Variants in TNRC6A observed in about 807,000 individuals in gnomAD.
The protein encoded by TNRC6A is trinucleotide repeat containing adaptor 6A.
A neutral mutation model predicts 221.2 loss-of-function variants in TNRC6A; 44 were observed. The ratio of observed to expected loss-of-function variants is 0.20; its 90% CI spans 0.16 to 0.26. The LOEUF (loss-of-function observed/expected upper bound fraction) is 0.26, where lower values mean the gene tolerates loss of function less well. TNRC6A is among the 10% of genes least tolerant of loss of function. TNRC6A has a pLI of 1.00. For missense variants in TNRC6A, 2,199 were observed against 2,404.4 expected (o/e 0.91, Z 1.79); for synonymous variants, 847 against 838.5 (o/e 1.01, Z -0.18).
At chr16:24,620,360 C>T (rs1900604382) in intron 1 of TNRC6A, among the ~76,000 whole-genome samples, 1 of 152,110 alleles carries the variant, frequency 6.6e-6, no homozygotes, top group Non-Finnish European at 1.5e-5. Context: ...GGGAAGGTCT[C>T]AGTAGAGGGA....
chr16:24,741,911 A>G (rs890333593), intron 2 of TNRC6A, among the ~76,000 whole-genome samples: 1 of 152,104 alleles, frequency 6.6e-6, no homozygotes, highest in East Asian at 1.9e-4. Flanking sequence ...ATCGTGGCTC[A>G]CTGTAGCATT....
At chr16:24,651,549 A>C (rs1262193262) in intron 2 of TNRC6A, among the ~76,000 whole-genome samples, 1 of 148,038 alleles carries the variant, frequency 6.8e-6, no homozygotes, top group African/African-American at 2.5e-5. Context: ...AAAAAAAAAA[A>C]AAAAAAAAAA....
rs773562230 is a variant in TNRC6A at position 24,804,250 on chromosome 16, G to A, written c.3768G>A (p.Gly1256=). The change falls in exon 12 of 25, where the codon GGG becomes GGA. Residue 1256 remains glycine, a synonymous_variant. Coordinates refer to ENST00000395799, the MANE Select transcript of TNRC6A (RefSeq NM_014494.4). ...LNIGDYNRTV[G]KGPGSRPQIS... is the part of the protein sequence containing the mutation. ...TTGGTGATTACAATCGAACGGTCGG[G>A]AAAGGCCCTGGTTCTCGGCCTCAGA... The A allele has an allele frequency of 1.2e-5, 19 of 1,613,666 alleles. No individual in the cohort carries two copies. In the East Asian group the frequency reaches 1.6e-4, roughly 13 times the overall value.
intron 11 of TNRC6A, among the ~76,000 whole-genome samples, chr16:24,801,018 A>G (rs2058320985): frequency 6.6e-6 from 1 of 152,346 alleles, no homozygotes; most frequent in Admixed American, 6.5e-5. Flanking sequence ...CAATAAATCA[A>G]TAAATGGTCA....
chr16:24,644,679 C>T (rs1442151894), intron 2 of TNRC6A, among the ~76,000 whole-genome samples: 1 of 152,026 alleles, frequency 6.6e-6, no homozygotes, highest in African/African-American at 2.4e-5. Flanking sequence ...TCTCAAACTC[C>T]TAGTCTCAAG....
intron 4 of TNRC6A, among the ~76,000 whole-genome samples, chr16:24,765,314 A>G (rs745514731): frequency 3.3e-5 from 5 of 152,224 alleles, no homozygotes; most frequent in African/African-American, 1.2e-4. Flanking sequence ...CACAGAGAAA[A>G]TGATACTTGC....
At chr16:24,758,435 CA>C in intron 4 of TNRC6A, 75 bp downstream of exon 4, 1 of 1,457,544 alleles carries the variant, frequency 6.9e-7, no homozygotes, top group East Asian at 2.3e-5. Flanking sequence ...TTGTTCACCT[CA>C]AGGATGGGAG....
At chr16:24,655,272 A>G (rs982702585) in intron 2 of TNRC6A, among the ~76,000 whole-genome samples, 1 of 152,102 alleles carries the variant, frequency 6.6e-6, no homozygotes, top group East Asian at 1.9e-4. Flanking sequence ...GCGGGGGGGA[A>G]CACTGATAGA....
chr16:24,651,203 T>A (rs1430210128), intron 2 of TNRC6A, among the ~76,000 whole-genome samples: 31 of 140,816 alleles, frequency 2.2e-4, no homozygotes, highest in African/African-American at 7.0e-4. Flanking sequence ...AAAAAAAAAA[T>A]TGTGGTGTAT....
upstream of TNRC6A, among the ~76,000 whole-genome samples, chr16:24,728,883 C>T (rs1376855387): frequency 6.6e-6 from 1 of 152,072 alleles, no homozygotes; most frequent in East Asian, 1.9e-4. Context: ...TATTCTATTG[C>T]AACCATTTCC....
At chr16:24,776,017 G>C (rs1567455343) in intron 4 of TNRC6A, among the ~76,000 whole-genome samples, 7 of 152,126 alleles carry the variant, frequency 4.6e-5, no homozygotes, top group Admixed American at 4.6e-4. Context: ...GCTCTGCAAG[G>C]TGTAGGTACT....
At chr16:24,658,443 C>T (rs2054962361) in intron 2 of TNRC6A, among the ~76,000 whole-genome samples, 1 of 152,170 alleles carries the variant, frequency 6.6e-6, no homozygotes, top group East Asian at 1.9e-4. Context: ...CTCACTGCAA[C>T]CTCTGCCTTC....
chr16:24,793,915 G>A (rs1238062786), intron 7 of TNRC6A, among the ~76,000 whole-genome samples: 1 of 152,066 alleles, frequency 6.6e-6, no homozygotes, highest in Non-Finnish European at 1.5e-5. Context: ...TACCAAATTA[G>A]GTTATCTAGG....
chr16:24,806,253 T>G lies in TNRC6A; in HGVS notation c.4299T>G (p.Pro1433=), dbSNP rs769676812. 13 of 1,614,220 alleles carry G rather than the reference T, an allele frequency of 8.1e-6. No individual in the cohort carries two copies. The South Asian group carries it at 1.4e-4, about 18-fold the overall frequency. Residue 1433 remains proline (P), a synonymous_variant, in exon 16 of 25, where the codon CCT becomes CCG. Coordinates refer to ENST00000395799, the MANE Select transcript of TNRC6A (RefSeq NM_014494.4). The part of the protein sequence containing the change: ...QQRAQSQRSV[P]SGNRPQQDQQ... ...GGGCGCAGAGTCAGAGAAGCGTGCC[T>G]TCTGGGAACCGGCCGCAGCAAGACC...
chr16:24,752,455 G>T (rs552350000), intron 3 of TNRC6A, among the ~76,000 whole-genome samples: 1 of 152,316 alleles, frequency 6.6e-6, no homozygotes, highest in South Asian at 2.1e-4. Context: ...CCTTTTGCTT[G>T]CTCTTAGGGG....
chr16:24,757,656 G>T (rs1303042376), intron 3 of TNRC6A, among the ~76,000 whole-genome samples: 2 of 152,184 alleles, frequency 1.3e-5, no homozygotes, highest in Non-Finnish European at 2.9e-5. Context: ...CAGTTGTGGT[G>T]TCAGAAAATA....
rs370148767 is a variant in TNRC6A at position 24,805,023 on chromosome 16, C to A, written c.3994C>A (p.Pro1332Thr). Residue 1332 changes from proline to threonine, a missense_variant, in exon 14 of 25, where the codon CCC becomes ACC. Transcript: ENST00000395799. Reference sequence around the variant, plus strand: ...CTGTTTGTTTTTATAGAATGGCAATCCCAGTATGTTTGGTGTTGGAAACAC... The same window carrying A: ...CTGTTTGTTTTTATAGAATGGCAATACCAGTATGTTTGGTGTTGGAAACAC... ...NLNSVRQNGNPSMFGVGNTAA... is the reference protein window; with the variant it reads ...NLNSVRQNGNTSMFGVGNTAA... 2 of 1,614,174 alleles carry A rather than the reference C, an allele frequency of 1.2e-6. No homozygotes were observed. The highest frequency in any genetic ancestry group is 8.5e-7 in the Non-Finnish European group (1 of 1,180,032).
Position 24,820,148 on chromosome 16 carries a change from G to A in TNRC6A, c.5090G>A (p.Ser1697Asn), listed in dbSNP as rs2058738776. The part of the protein sequence containing the change: ...STAQSTSARN[S>N]DSKLTWSPGS... ...TTCCCCCTTTGAGTAGCCAGAAATA[G>A]TGATTCCAAATTGACATGGTCTCCT... The change falls in exon 22 of 25, where the codon AGT becomes AAT. Residue 1697 changes from serine to asparagine, a missense_variant. This residue lies in a region of TNRC6A where 449 missense variants were observed against 579.7 expected (regional missense o/e 0.77). Coordinates refer to ENST00000395799, the MANE Select transcript of TNRC6A (RefSeq NM_014494.4). The A allele has an allele frequency of 6.2e-7, 1 of 1,614,022 alleles. No homozygotes were observed. The highest frequency in any genetic ancestry group is 8.5e-7 in the Non-Finnish European group (1 of 1,179,998).
chr16:24,804,064 T>C, intron 11 of TNRC6A, 113 bp from the exon 12 acceptor site: 2 of 1,135,376 alleles, frequency 1.8e-6, no homozygotes, highest in Non-Finnish European at 2.4e-6. Flanking sequence ...CATACCCTTG[T>C]CTTGGCTGAA....
Sources: allele counts gnomAD v4.1 joint callset (sites outside exome capture counted in the v4.1 genomes callset), GRCh38; gene constraint gnomAD v4.1.1; regional missense constraint gnomAD v4.1.1; transcripts MANE v1.5; gene names NCBI Gene and HGNC (gene_info 2026-07-23, HGNC 2026-07-21).